ITGB1: variants seen among roughly 807,000 people sequenced by gnomAD.
The protein encoded by ITGB1 is integrin beta-1.
A neutral mutation model predicts 86.5 loss-of-function variants in ITGB1; 24 were observed. The observed-to-expected ratio is 0.28, with a 90% CI of 0.20 to 0.39. The LOEUF (loss-of-function observed/expected upper bound fraction) is 0.39. ITGB1 is among the 10% of genes least tolerant of loss of function. The pLI is 1.00. For synonymous variants in ITGB1, 323 were observed against 316.8 expected, an observed-to-expected ratio of 1.02 and a Z score of -0.21; for missense variants, 556 against 946.9, an observed-to-expected ratio of 0.59 and a Z score of 5.42.
At chr10:32,919,805 T>C in intron 11 of ITGB1, 80 bp downstream of exon 11, 2 of 1,247,562 alleles carry the variant, frequency 1.6e-6, no homozygotes, top group Non-Finnish European at 2.3e-6. Flanking sequence ...AGAGATATTC[T>C]CTGGATGTCC....
At chr10:32,941,042 G>A (rs903131593) in intron 1 of ITGB1, among the ~76,000 whole-genome samples, 3 of 152,158 alleles carry the variant, frequency 2.0e-5, no homozygotes, top group African/African-American at 7.2e-5. Context: ...AGTGCACTGA[G>A]GACACTGAAA....
intron 7 of ITGB1, 54 bp downstream of exon 7, chr10:32,923,531 A>G: frequency 6.7e-7 from 1 of 1,497,496 alleles, no homozygotes; most frequent in Admixed American, 1.9e-5. Flanking sequence ...TCTTAGTATT[A>G]AACATTAAAA....
chr10:32,955,421 A>C (rs1237839322), intron 1 of ITGB1: 1 of 152,242 alleles, frequency 6.6e-6, no homozygotes, highest in East Asian at 1.9e-4. Context: ...CAGAAAGTTA[A>C]GTTCTCTGAA....
rs144269881 is a variant in ITGB1 at position 32,925,939 on chromosome 10, G to A, written c.718C>T (p.Arg240Cys). 2.7e-4 allele frequency: 432 copies of A among 1,614,036 alleles called. 1 individual carries two copies. The highest frequency in any genetic ancestry group is 8.0e-5 in the African/African-American group (6 of 75,054). Residue 240 changes from arginine to cysteine, a missense_variant, in exon 6 of 16, where the codon CGC (arginine) becomes TGC (cysteine). This residue lies in a region of ITGB1 where 183 missense variants were observed against 263.9 expected (regional missense o/e 0.69). Transcript: ENST00000302278. ...EVFNELVGKQ[R>C]ISGNLDSPEG... Reference sequence around the variant, plus strand: ...GGAGAATCCAAATTTCCAGATATGCGCTGTTTTCCAACAAGTTCATTAAAT... The same window carrying A: ...GGAGAATCCAAATTTCCAGATATGCACTGTTTTCCAACAAGTTCATTAAAT...
Position 32,925,976 on chromosome 10 carries a change from A to C in ITGB1, c.681T>G (p.Asn227Lys). Residue 227 changes from asparagine (N) to lysine (K), a missense_variant, in exon 6 of 16, where the codon AAT becomes AAG. Transcript: ENST00000302278. ...CAAGTTCATTAAATACTTCTCCTTT[A>C]TTAGTAAGACTGAGCACATTTTTGT... ...FSYKNVLSLT[N>K]KGEVFNELVG... is the part of the protein sequence containing the mutation. 1 of 1,613,942 alleles carries C rather than the reference A, an allele frequency of 6.2e-7. No homozygotes were observed. The highest frequency in any genetic ancestry group is 8.5e-7 in the Non-Finnish European group (1 of 1,179,828).
chr10:32,915,000 G>A (rs1289903826), intron 11 of ITGB1, among the ~76,000 whole-genome samples: 3 of 152,174 alleles, frequency 2.0e-5, no homozygotes, highest in Non-Finnish European at 4.4e-5. Flanking sequence ...TAGAACTCAA[G>A]ATTAAGAAAC....
chr10:32,920,158 C>T, intron 10 of ITGB1, 74 bp from the exon 11 acceptor site: 1 of 1,564,932 alleles, frequency 6.4e-7, no homozygotes, highest in Middle Eastern at 1.8e-4. Context: ...AAAAGTTGCT[C>T]ACTTATTTTA....
Position 32,917,083 on chromosome 10 carries a change from A to C in ITGB1, c.1469+2802T>G, listed in dbSNP as rs1289738594. Among the ~76,000 whole-genome samples the C allele has an allele frequency of 3.3e-5, 5 of 152,288 alleles. No individual in the cohort carries two copies. In the South Asian group the frequency reaches 1.0e-3, roughly 32 times the overall value. ...CTTTGACAAACCTGACAAAAACAAGAAATGGGGAAAGGATTCCCTATTTAA... is the reference window on the plus strand; with the variant it reads ...CTTTGACAAACCTGACAAAAACAAGCAATGGGGAAAGGATTCCCTATTTAA... On this transcript the variant is annotated intron_variant, in intron 11 of 15. Transcript: ENST00000302278.
rs184600404 is a variant in ITGB1, at chr10:32,917,286, G to C, written c.1469+2599C>G. ...CCATTCAGGACATAGGCATAGGCAA[G>C]GACTTCATGACTAAAACACCAAAAG... On this transcript the variant is annotated intron_variant, in intron 11 of 15. Transcript: ENST00000302278. Among the ~76,000 whole-genome samples, 1,074 of 152,256 alleles carry C rather than the reference G, an allele frequency of 7.1e-3. 13 individuals are homozygous for C. The highest frequency in any genetic ancestry group is 0.025 in the African/African-American group (1,025 of 41,558).
intron 1 of ITGB1, among the ~76,000 whole-genome samples, chr10:32,948,088 G>T (rs1162906378): frequency 6.6e-6 from 1 of 151,806 alleles, no homozygotes; most frequent in East Asian, 1.9e-4. Flanking sequence ...TGAAAGAAAG[G>T]ATAAAGTCTG....
At chr10:32,926,741 C>T (rs979367959) in intron 5 of ITGB1, among the ~76,000 whole-genome samples, 26 of 150,294 alleles carry the variant, frequency 1.7e-4, no homozygotes, top group African/African-American at 5.7e-4. Context: ...TTTATAGCAA[C>T]GTAAGAATAG....
At chr10:32,907,554 G>A (rs1251924298) in intron 15 of ITGB1, among the ~76,000 whole-genome samples, 1 of 152,094 alleles carries the variant, frequency 6.6e-6, no homozygotes. Flanking sequence ...AGTTCTGTGA[G>A]TTTTCAAATA....
intron 11 of ITGB1, among the ~76,000 whole-genome samples, chr10:32,913,635 G>T (rs549607004): frequency 6.6e-6 from 1 of 152,116 alleles, no homozygotes; most frequent in Admixed American, 6.6e-5. Flanking sequence ...AAAAAGAAAC[G>T]AACAAAGCCT....
chr10:32,914,773 A>C (rs2094926227), intron 11 of ITGB1, among the ~76,000 whole-genome samples: 1 of 152,142 alleles, frequency 6.6e-6, no homozygotes, highest in African/African-American at 2.4e-5. Flanking sequence ...GAAAGTTAAC[A>C]AGGATATCCA....
intron 5 of ITGB1, among the ~76,000 whole-genome samples, chr10:32,926,759 C>T (rs772581453): frequency 2.0e-5 from 3 of 152,172 alleles, no homozygotes; most frequent in Admixed American, 2.0e-4. Context: ...TAGACTCCTA[C>T]AGTGACCTCA....
At chr10:32,910,697 AAGAT>A (rs2094910566) in intron 13 of ITGB1, among the ~76,000 whole-genome samples, 3 of 152,230 alleles carry the variant, frequency 2.0e-5, no homozygotes, top group South Asian at 2.1e-4. Context: ...TAAGAAATAA[AAGAT>A]AGTAAAATAA....
At position 32,919,902 on chromosome 10, in the gene ITGB1, A is replaced by C; in HGVS notation, c.1452T>G (p.Phe484Leu). The C allele has an allele frequency of 6.2e-7, 1 of 1,614,060 alleles. No homozygotes were observed. Among genetic ancestry groups the C allele is most frequent in the South Asian group, 1.1e-5 (1 of 91,078 alleles). ...CAGCTTACCTGCACGCGCCACACTC[A>C]AATGTCCCATTTCCTTCATGACACT... is the stretch of plus-strand genomic sequence containing the variant. ...SPKCHEGNGT[F>L]ECGACRCNEG... Residue 484 changes from phenylalanine to leucine, a missense_variant, in exon 11 of 16, where the codon TTT becomes TTG. Coordinates refer to ENST00000302278, the MANE Select transcript of ITGB1 (RefSeq NM_002211.4).
Position 32,912,500 on chromosome 10 carries a change from C to T in ITGB1, c.1470-376G>A, listed in dbSNP as rs533792848. 1.6e-4 allele frequency among the ~76,000 whole-genome samples: 24 copies of T among 152,330 alleles called. No homozygotes were observed. The South Asian group carries it at 3.1e-3, about 20-fold the overall frequency. The stretch of plus-strand genomic sequence containing the variant: ...CGGAACACCAGAAGATTATATCCCG[C>T]GCCTGGCTCAGAGGGTCCCATGCCC... On this transcript the variant is annotated intron_variant, in intron 11 of 15. Transcript: ENST00000302278.
chr10:32,948,022 A>G (rs1295308309), intron 1 of ITGB1, among the ~76,000 whole-genome samples: 1 of 149,586 alleles, frequency 6.7e-6, no homozygotes, highest in Non-Finnish European at 1.5e-5. Context: ...TTTTTTTTTC[A>G]ATTGTAATTA....
Sources: gnomAD v4.1 joint callset for allele counts (sites outside exome capture counted in the v4.1 genomes callset) on GRCh38, gnomAD v4.1.1 for gene constraint, gnomAD v4.1.1 regional missense constraint, MANE v1.5 for transcripts, NCBI Gene and HGNC (gene_info 2026-07-23, HGNC 2026-07-21) for gene names.